BIK: variants seen among roughly 807,000 people sequenced by gnomAD.
BIK encodes BCL2 interacting killer.
Under a neutral mutation model 12.1 loss-of-function variants are expected in BIK, and 14 were observed. The ratio of observed to expected loss-of-function variants is 1.16; its 90% CI spans 0.77 to 1.81. BIK has a LOEUF of 1.81. BIK is among the 40% of genes most tolerant of loss of function. The pLI is 0.00. For synonymous variants in BIK, 86 were observed against 92.3 expected (o/e 0.93, Z 0.39); for missense variants, 215 against 207.9 (o/e 1.03, Z -0.21).
intron 1 of BIK, among the ~76,000 whole-genome samples, chr22:43,118,909 C>T (rs930144889): frequency 3.3e-5 from 5 of 152,070 alleles, no homozygotes; most frequent in African/African-American, 1.2e-4. Flanking sequence ...GAGCAGAACA[C>T]ATCTCTACTT....
At chr22:43,125,428 G>A (rs1282581719) in intron 2 of BIK, among the ~76,000 whole-genome samples, 4 of 151,896 alleles carry the variant, frequency 2.6e-5, no homozygotes, top group African/African-American at 7.3e-5. Context: ...GAACCGGGCC[G>A]GGCGCCGTGG....
intron 1 of BIK, among the ~76,000 whole-genome samples, chr22:43,114,617 TGTGTGTGACAGTATCTTCGAGATTAGAG>T (rs1460434986): frequency 2.1e-4 from 32 of 152,216 alleles, no homozygotes; most frequent in African/African-American, 7.5e-4. Context: ...TGACATTTAT[TGTGTGTGACAGTATCTTCGAGATTAGAG>T]GCTCCCTTTC....
intron 1 of BIK, 41 bp from the exon 2 acceptor site, chr22:43,123,975 A>C: frequency 6.2e-7 from 1 of 1,604,072 alleles, no homozygotes; most frequent in Non-Finnish European, 8.5e-7. Context: ...CAGACTGCTC[A>C]GTTCTTAGGG....
intron 1 of BIK, among the ~76,000 whole-genome samples, chr22:43,111,579 GGGCTCT>G (rs1290050491): frequency 2.0e-5 from 3 of 152,314 alleles, no homozygotes; most frequent in African/African-American, 4.8e-5. Context: ...GTCGTCGTCT[GGGCTCT>G]GGCCTCCTAA....
rs767771365 is a variant in BIK at position 43,127,767 on chromosome 22, G to A, written c.232G>A (p.Ala78Thr). The change falls in exon 3 of 5, where the codon GCC becomes ACC. Residue 78 changes from alanine to threonine, a missense_variant. Physicochemically the swap from Ala to Thr is moderately conservative, Grantham distance 58. Transcript: ENST00000216115. ...CGTGAGCCTCAGGGCCCCGCGCCTG[G>A]CCCAGCTCTCCGAGGTGGCCATGCA... is the stretch of plus-strand genomic sequence containing the variant. ...MDVSLRAPRL[A>T]QLSEVAMHSL... is the part of the protein sequence containing the mutation. The A allele has an allele frequency of 1.9e-6, 3 of 1,552,820 alleles. No individual in the cohort carries two copies. The African/African-American group carries it at 4.1e-5, about 21-fold the overall frequency.
chr22:43,117,909 A>G (rs1404522607), intron 1 of BIK, among the ~76,000 whole-genome samples: 1 of 142,916 alleles, frequency 7.0e-6, no homozygotes, highest in Non-Finnish European at 1.5e-5. Context: ...TCCTGACCTC[A>G]TGATCTGCCC....
At chr22:43,111,083 C>T (rs1930000771) in intron 1 of BIK, among the ~76,000 whole-genome samples, 1 of 152,008 alleles carries the variant, frequency 6.6e-6, no homozygotes, top group African/African-American at 2.4e-5. Flanking sequence ...GGTCCCTCTG[C>T]GTCTCGCCGC....
At chr22:43,110,991 T>C (rs984972556) in intron 1 of BIK, among the ~76,000 whole-genome samples, 188 bp downstream of exon 1, 1 of 152,116 alleles carries the variant, frequency 6.6e-6, no homozygotes, top group African/African-American at 2.4e-5. Context: ...ACCCTCTCTG[T>C]CCGGGGCTCC....
intron 1 of BIK, among the ~76,000 whole-genome samples, chr22:43,116,411 G>A (rs370050855): frequency 4.1e-4 from 62 of 152,006 alleles, no homozygotes; most frequent in African/African-American, 1.4e-3. Context: ...AAAGTGCTGG[G>A]AGCCTCCAAA....
intron 1 of BIK, among the ~76,000 whole-genome samples, chr22:43,116,508 G>C (rs569395259): frequency 6.6e-6 from 1 of 152,002 alleles, no homozygotes; most frequent in East Asian, 1.9e-4. Flanking sequence ...ACCCAGGCTG[G>C]AGTGTAATGG....
intron 1 of BIK, among the ~76,000 whole-genome samples, chr22:43,116,537 C>T (rs1050666322): frequency 6.6e-6 from 1 of 151,972 alleles, no homozygotes; most frequent in African/African-American, 2.4e-5. Flanking sequence ...CGGCTCACTA[C>T]AACCTCTGCC....
intron 1 of BIK, among the ~76,000 whole-genome samples, chr22:43,111,072 T>TGGTC (rs149724173): frequency 0.023 from 3,451 of 151,886 alleles, 122 homozygotes; most frequent in African/African-American, 0.079. Flanking sequence ...TGCAATGGGG[T>TGGTC]GGTCCCTCTG....
At chr22:43,112,128 G>A (rs1000633674) in intron 1 of BIK, among the ~76,000 whole-genome samples, 7 of 152,166 alleles carry the variant, frequency 4.6e-5, no homozygotes, top group African/African-American at 1.4e-4. Context: ...GACTCACCCC[G>A]ATTTCTACTT....
At chr22:43,114,181 G>A (rs1457366518) in intron 1 of BIK, among the ~76,000 whole-genome samples, 1 of 152,164 alleles carries the variant, frequency 6.6e-6, no homozygotes, top group Non-Finnish European at 1.5e-5. Flanking sequence ...GTTTTTCTGG[G>A]GGTGGGACAG....
At chr22:43,116,382 C>G (rs1236139024) in intron 1 of BIK, among the ~76,000 whole-genome samples, 1 of 151,988 alleles carries the variant, frequency 6.6e-6, no homozygotes, top group Non-Finnish European at 1.5e-5. Flanking sequence ...CTCAAGTGAT[C>G]CTTTCGCCTT....
At chr22:43,111,155 C>G (rs1327642977) in intron 1 of BIK, among the ~76,000 whole-genome samples, 2 of 152,202 alleles carry the variant, frequency 1.3e-5, no homozygotes, top group African/African-American at 4.8e-5. Flanking sequence ...GCACCCGGCT[C>G]CGAACTCTGG....
intron 4 of BIK, 119 bp from the exon 5 acceptor site, chr22:43,129,094 C>G (rs760714452): frequency 1.4e-4 from 222 of 1,548,796 alleles, no homozygotes; most frequent in Non-Finnish European, 1.8e-4. Flanking sequence ...TCTCTGGTCC[C>G]CTCGAGCTCC....
Position 43,116,429 on chromosome 22 carries a change from G to A in BIK, c.-8+5626G>A, listed in dbSNP as rs570395614. 9.9e-5 allele frequency among the ~76,000 whole-genome samples: 15 copies of A among 152,028 alleles called. No individual in the cohort carries two copies. In the South Asian group the frequency reaches 2.9e-3, roughly 30 times the overall value. On this transcript the variant is annotated intron_variant, in intron 1 of 4. Transcript: ENST00000216115. Reference sequence around the variant, plus strand: ...GTGCTGGGAGCCTCCAAAAGGCTAAGCTGTGACGTTGGGTAGGTTACATGT... The same window carrying A: ...GTGCTGGGAGCCTCCAAAAGGCTAAACTGTGACGTTGGGTAGGTTACATGT...
intron 1 of BIK, among the ~76,000 whole-genome samples, chr22:43,111,822 C>A (rs541789050): frequency 3.7e-4 from 57 of 152,258 alleles, no homozygotes; most frequent in African/African-American, 1.3e-3. Flanking sequence ...GGCACTAGCG[C>A]CGGGAAGTTC....
Sources: gnomAD v4.1 joint callset for allele counts (sites outside exome capture counted in the v4.1 genomes callset) on GRCh38, gnomAD v4.1.1 for gene constraint, MANE v1.5 for transcripts, NCBI Gene and HGNC (gene_info 2026-07-23, HGNC 2026-07-21) for gene names.